SUPV3L1: variants seen among roughly 807,000 people sequenced by gnomAD.
The protein encoded by SUPV3L1 is ATP-dependent RNA helicase SUPV3L1, mitochondrial.
In SUPV3L1, 35 loss-of-function variants were observed where a neutral mutation model predicts 70.0. The ratio of observed to expected loss-of-function variants is 0.50; its 90% confidence interval spans 0.38 to 0.66. The LOEUF (loss-of-function observed/expected upper bound fraction) is 0.66, where lower values mean the gene tolerates loss of function less well. Among genes scored for constraint, SUPV3L1 ranks in the 30% least tolerant of loss-of-function variants. SUPV3L1 has a pLI of 0.00. For missense variants in SUPV3L1, 777 were observed against 961.5 expected, an observed-to-expected ratio of 0.81 and a Z score of 2.54; for synonymous variants, 364 against 341.9, an observed-to-expected ratio of 1.06 and a Z score of -0.71.
At chr10:69,189,502 GAT>G (rs1842330731) in intron 5 of SUPV3L1, 67 bp downstream of exon 5, 2 of 1,477,376 alleles carry the variant, frequency 1.4e-6, no homozygotes, top group Non-Finnish European at 1.8e-6. Context: ...AGTGGGAAAA[GAT>G]GTTTGTAGTA....
intron 5 of SUPV3L1, among the ~76,000 whole-genome samples, chr10:69,191,000 CA>C (rs35635130): frequency 0.47 from 71,243 of 152,044 alleles, 19,035 homozygotes; most frequent in Middle Eastern, 0.73. Context: ...GAGGTCTTTA[CA>C]TTCTTAAATT....
At chr10:69,187,501 A>G in intron 3 of SUPV3L1, 141 bp from the exon 4 acceptor site, 1 of 567,414 alleles carries the variant, frequency 1.8e-6, no homozygotes, top group Non-Finnish European at 3.1e-6. Flanking sequence ...TGTTGACGTG[A>G]GCTACTGTGC....
chr10:69,197,803 A>G (rs949479027), intron 8 of SUPV3L1, among the ~76,000 whole-genome samples: 22 of 152,182 alleles, frequency 1.4e-4, no homozygotes, highest in Non-Finnish European at 2.1e-4. Flanking sequence ...TCCAGTGCTC[A>G]AGCAATTCTC....
At position 69,180,452 on chromosome 10, in the gene SUPV3L1, G is replaced by T. The variant is rs1345137941; in HGVS notation, c.161G>T (p.Gly54Val). ...VLATASSSASGGSKIPNTSLF... is the reference protein window; with the variant it reads ...VLATASSSASVGSKIPNTSLF... ...GCCACCGCCTCCTCCTCTGCCTCCGGTGGCTCCAAAATACCAAACACGTCC... is the reference window on the plus strand; with the variant it reads ...GCCACCGCCTCCTCCTCTGCCTCCGTTGGCTCCAAAATACCAAACACGTCC... Residue 54 changes from glycine (G) to valine (V), a missense_variant, in exon 1 of 15, where the codon GGT becomes GTT. Coordinates refer to ENST00000359655, the MANE Select transcript of SUPV3L1 (RefSeq NM_003171.5). 6.2e-7 allele frequency: 1 copy of T among 1,614,232 alleles called. No homozygotes were observed. Among genetic ancestry groups the T allele is most frequent in the Non-Finnish European group, 8.5e-7 (1 of 1,180,042 alleles).
chr10:69,203,336 G>A (rs1421702676), intron 13 of SUPV3L1, among the ~76,000 whole-genome samples: 1 of 152,070 alleles, frequency 6.6e-6, no homozygotes, highest in Non-Finnish European at 1.5e-5. Flanking sequence ...GATTCCTGGG[G>A]GCCAGGAAGG....
intron 13 of SUPV3L1, 121 bp from the exon 14 acceptor site, chr10:69,207,672 C>A: frequency 8.3e-7 from 1 of 1,207,194 alleles, no homozygotes; most frequent in Non-Finnish European, 1.1e-6. Flanking sequence ...GAAAAGAAAC[C>A]ACCTGTCTAT....
intron 4 of SUPV3L1, among the ~76,000 whole-genome samples, chr10:69,188,793 C>T (rs1842307389): frequency 1.3e-5 from 2 of 152,206 alleles, no homozygotes; most frequent in South Asian, 4.1e-4. Context: ...GCCACCATGC[C>T]TCGCCTGTAC....
chr10:69,206,948 A>G (rs1456990473), intron 13 of SUPV3L1, among the ~76,000 whole-genome samples: 1 of 152,214 alleles, frequency 6.6e-6, no homozygotes, highest in Admixed American at 6.5e-5. Context: ...CGGAGGTTGC[A>G]GTGAGCCAAG....
rs746479065 is a variant in SUPV3L1 at position 69,191,773 on chromosome 10, A to G, written c.853+7A>G. The G allele has an allele frequency of 2.7e-5, 43 of 1,591,418 alleles. No homozygotes were observed. The highest frequency in any genetic ancestry group is 3.3e-4 in the Middle Eastern group (2 of 6,024). The stretch of plus-strand genomic sequence containing the variant: ...TGCAGTGTTACAACTCCTTGTATGT[A>G]TATGCTGTTTAAGAAACTATGGTTT... On this transcript the variant is annotated splice_region_variant and intron_variant, in intron 6 of 14. Transcript: ENST00000359655.
chr10:69,198,834 A>G (rs1842610771), intron 9 of SUPV3L1, among the ~76,000 whole-genome samples: 1 of 152,208 alleles, frequency 6.6e-6, no homozygotes, highest in Non-Finnish European at 1.5e-5. Context: ...GGTCTTGACC[A>G]TGTCCTTTTA....
rs752948732 is a variant in SUPV3L1 at position 69,199,097 on chromosome 10, G to A, written c.1205-7G>A. On this transcript the variant is annotated splice_polypyrimidine_tract_variant and splice_region_variant and intron_variant, in intron 9 of 14. Transcript: ENST00000359655. ...CACTGATTTAACATAAATTGTTCTT[G>A]TTTTAGGGACCAAACTTGCTCAAGC... 6.2e-7 allele frequency: 1 copy of A among 1,606,774 alleles called. No individual in the cohort carries two copies. The highest frequency in any genetic ancestry group is 8.5e-7 in the Non-Finnish European group (1 of 1,177,306).
chr10:69,207,904 G>A lies in SUPV3L1; in HGVS notation c.1888G>A (p.Ala630Thr). The A allele has an allele frequency of 6.2e-7, 1 of 1,614,158 alleles. No individual in the cohort carries two copies. Among genetic ancestry groups the A allele is most frequent in the South Asian group, 1.1e-5 (1 of 91,078 alleles). The change falls in exon 14 of 15, where the codon GCT becomes ACT. Residue 630 changes from alanine (A) to threonine (T), a missense_variant. By Grantham distance (58) the Ala-to-Thr change is moderately conservative. This residue lies in a region of SUPV3L1 where 619 missense variants were observed against 823.3 expected (regional missense o/e 0.75). Coordinates refer to ENST00000359655, the MANE Select transcript of SUPV3L1 (RefSeq NM_003171.5). ...TATTAAAGACCTCATGGATCTTGAAGCTGTCCACGATGTCTTGGATCTTTA... is the reference window on the plus strand; with the variant it reads ...TATTAAAGACCTCATGGATCTTGAAACTGTCCACGATGTCTTGGATCTTTA... ...KNIKDLMDLEAVHDVLDLYLW... is the reference protein window; with the variant it reads ...KNIKDLMDLETVHDVLDLYLW...
intron 1 of SUPV3L1, chr10:69,182,684 G>T: frequency 1.0e-6 from 1 of 985,374 alleles, no homozygotes; most frequent in Non-Finnish European, 1.2e-6. Flanking sequence ...GACTGGGATT[G>T]GTCCAGATGT....
At chr10:69,187,595 G>T in intron 3 of SUPV3L1, 47 bp from the exon 4 acceptor site, 4 of 1,352,838 alleles carry the variant, frequency 3.0e-6, no homozygotes, top group South Asian at 2.6e-5. Context: ...ATTTAGTTAC[G>T]AATTTTATGT....
Position 69,202,485 on chromosome 10 carries a change from A to G in SUPV3L1, c.1565A>G (p.Tyr522Cys), listed in dbSNP as rs201057336. ...PTAEQIEMFA[Y>C]HLPDATLSNL... Reference sequence around the variant, plus strand: ...GCTGAGCAGATTGAAATGTTTGCCTACCATCTCCCTGATGCAACACTGTCC... The same window carrying G: ...GCTGAGCAGATTGAAATGTTTGCCTGCCATCTCCCTGATGCAACACTGTCC... The change falls in exon 12 of 15, where the codon TAC (tyrosine) becomes TGC (cysteine). Residue 522 changes from tyrosine (Y) to cysteine (C), a missense_variant. Physicochemically the swap from Tyr to Cys is radical, Grantham distance 194. Transcript: ENST00000359655. 9.5e-5 allele frequency: 154 copies of G among 1,613,502 alleles called. No individual in the cohort carries two copies. Among genetic ancestry groups the G allele is most frequent in the Non-Finnish European group, 1.2e-4 (146 of 1,179,656 alleles).
At chr10:69,189,474 AT>A (rs1273488584) in intron 5 of SUPV3L1, 39 bp downstream of exon 5, 1 of 1,536,866 alleles carries the variant, frequency 6.5e-7, no homozygotes, top group Non-Finnish European at 8.8e-7. Flanking sequence ...TTTTTTCTTA[AT>A]TTTCTTTTTT....
In SUPV3L1 at chr10:69,202,465, G is replaced by A. The variant is rs755139774; in HGVS notation, c.1545G>A (p.Glu515=). The A allele has an allele frequency of 2.5e-5, 41 of 1,612,992 alleles. No individual in the cohort carries two copies. The highest frequency in any genetic ancestry group is 3.3e-5 in the Non-Finnish European group (39 of 1,179,460). ...CAGCTGGTCTTCATCCAACTGCTGA[G>A]CAGATTGAAATGTTTGCCTACCATC... ...IRAAGLHPTA[E]QIEMFAYHLP... is the part of the protein sequence containing the mutation. The change falls in exon 12 of 15, where the codon GAG becomes GAA. Residue 515 remains glutamate, a synonymous_variant. Coordinates refer to ENST00000359655, the MANE Select transcript of SUPV3L1 (RefSeq NM_003171.5).
At chr10:69,198,661 G>A (rs1326376637) in intron 9 of SUPV3L1, 109 bp downstream of exon 9, 15 of 1,015,522 alleles carry the variant, frequency 1.5e-5, no homozygotes, top group Non-Finnish European at 2.0e-5. Flanking sequence ...GCTGCTTGAT[G>A]TATTGGTAAT....
chr10:69,201,293 TTC>T (rs761925092), intron 11 of SUPV3L1, among the ~76,000 whole-genome samples: 6 of 152,158 alleles, frequency 3.9e-5, no homozygotes, highest in Non-Finnish European at 5.9e-5. Flanking sequence ...TTCATTCACT[TTC>T]TCTCTCTGTT....
Sources: gnomAD v4.1 joint callset for allele counts (sites outside exome capture counted in the v4.1 genomes callset) on GRCh38, gnomAD v4.1.1 for gene constraint, gnomAD v4.1.1 regional missense constraint, MANE v1.5 for transcripts, NCBI Gene and HGNC (gene_info 2026-07-23, HGNC 2026-07-21) for gene names.